Variants in TULP3 observed in about 807,000 individuals in gnomAD.
TULP3 encodes TUB like protein 3.
Under a neutral mutation model 50.7 loss-of-function variants are expected in TULP3, and 38 were observed. That is an observed-to-expected ratio of 0.75 (90% confidence interval 0.58 to 0.98). The LOEUF (loss-of-function observed/expected upper bound fraction) is 0.98. Among genes scored for constraint, TULP3 ranks in the 50% least tolerant of loss-of-function variants. The pLI is 0.00. For synonymous variants in TULP3, 183 were observed against 196.6 expected (o/e 0.93, Z 0.58); for missense variants, 550 against 568.0 (o/e 0.97, Z 0.32).
At chr12:2,907,875 T>C (rs1007725528) in intron 1 of TULP3, among the ~76,000 whole-genome samples, 2 of 152,150 alleles carry the variant, frequency 1.3e-5, no homozygotes, top group African/African-American at 4.8e-5. Context: ...CTGTTGTATC[T>C]GACATTTTTG....
intron 1 of TULP3, among the ~76,000 whole-genome samples, chr12:2,895,325 C>T (rs1309260033): frequency 6.6e-6 from 1 of 152,144 alleles, no homozygotes; most frequent in African/African-American, 2.4e-5. Context: ...ATGTTCATTC[C>T]CTGGCTTCAA....
intron 8 of TULP3, among the ~76,000 whole-genome samples, chr12:2,936,380 C>T (rs996347047): frequency 9.2e-5 from 14 of 152,084 alleles, no homozygotes; most frequent in Non-Finnish European, 1.8e-4. Flanking sequence ...GCTATGCCCT[C>T]ACTGGGAAAT....
intron 8 of TULP3, among the ~76,000 whole-genome samples, chr12:2,936,579 TAAA>T (rs55913637): frequency 4.5e-5 from 6 of 134,716 alleles, no homozygotes; most frequent in Admixed American, 7.6e-5. Flanking sequence ...CCGTCTCGAC[TAAA>T]AAAAAAAAAA....
At chr12:2,892,850 T>C (rs2098173004) in intron 1 of TULP3, among the ~76,000 whole-genome samples, 2 of 149,908 alleles carry the variant, frequency 1.3e-5, no homozygotes, top group Admixed American at 1.3e-4. Flanking sequence ...CTTTAAATTT[T>C]ATTTTCTTTT....
chr12:2,917,819 G>T (rs976576584), intron 2 of TULP3, among the ~76,000 whole-genome samples: 1 of 151,708 alleles, frequency 6.6e-6, no homozygotes, highest in Non-Finnish European at 1.5e-5. Flanking sequence ...GGAGCTTGCA[G>T]TGAGCCGAGA....
chr12:2,896,741 A>G (rs775076714), intron 1 of TULP3, among the ~76,000 whole-genome samples: 10 of 152,194 alleles, frequency 6.6e-5, no homozygotes, highest in Non-Finnish European at 1.5e-4. Context: ...ACAGAGAGAT[A>G]TGAAACTCAT....
At chr12:2,929,660 G>A (rs751248665) in intron 4 of TULP3, among the ~76,000 whole-genome samples, 25 of 151,602 alleles carry the variant, frequency 1.6e-4, no homozygotes, top group Admixed American at 4.0e-4. Flanking sequence ...GCACAGTCTC[G>A]GCTCGCTGCA....
At chr12:2,907,668 A>T (rs796535744) in intron 1 of TULP3, among the ~76,000 whole-genome samples, 55 of 134,776 alleles carry the variant, frequency 4.1e-4, no homozygotes, top group African/African-American at 1.4e-3. Context: ...AAAATTTTTT[A>T]TTCTTATACA....
intron 2 of TULP3, among the ~76,000 whole-genome samples, chr12:2,918,626 C>T (rs540669686): frequency 2.2e-4 from 33 of 151,378 alleles, no homozygotes; most frequent in Middle Eastern, 3.5e-3. Context: ...CCGCAACCTC[C>T]GCCTCCCAGG....
chr12:2,904,846 C>T (rs1279690262), intron 1 of TULP3, among the ~76,000 whole-genome samples: 1 of 152,052 alleles, frequency 6.6e-6, no homozygotes, highest in Non-Finnish European at 1.5e-5. Context: ...ATGCCTGTAT[C>T]CCAGCACTTT....
rs1439124405 is a variant in TULP3 at position 2,940,320 on chromosome 12, T to C, written c.*876T>C. The C allele has an allele frequency of 7.2e-7, 1 of 1,387,112 alleles. No individual in the cohort carries two copies. Among genetic ancestry groups the C allele is most frequent in the East Asian group, 2.8e-5 (1 of 35,098 alleles). 85.9% of individuals were successfully genotyped at this position (1,387,112 alleles called of 1,614,324 possible). A position where few individuals can be genotyped will look rare whatever the true frequency, so the allele number is the denominator to read the frequency against. On this transcript the variant is annotated 3_prime_UTR_variant, in exon 11 of 11. Coordinates refer to ENST00000448120, the MANE Select transcript of TULP3 (RefSeq NM_003324.5). ...TGGCAGTATTGACCATTTAGTTTAG[T>C]TAAAAAAAAAAAAAAAAAGGTGGCA...
chr12:2,930,639 G>T (rs922153066), intron 5 of TULP3, among the ~76,000 whole-genome samples: 8 of 152,016 alleles, frequency 5.3e-5, no homozygotes, highest in Non-Finnish European at 1.0e-4. Flanking sequence ...TTGCCAGGAT[G>T]GTCTCGATCT....
At chr12:2,919,093 T>C (rs780118267) in intron 2 of TULP3, among the ~76,000 whole-genome samples, 1 of 152,082 alleles carries the variant, frequency 6.6e-6, no homozygotes, top group Non-Finnish European at 1.5e-5. Context: ...GGTTTCACCA[T>C]GTTGGCCAGG....
At chr12:2,926,050 C>T (rs963624403) in intron 4 of TULP3, among the ~76,000 whole-genome samples, 1 of 152,180 alleles carries the variant, frequency 6.6e-6, no homozygotes, top group Non-Finnish European at 1.5e-5. Flanking sequence ...GTCCAATTTG[C>T]TTGTCTTAAA....
intron 1 of TULP3, among the ~76,000 whole-genome samples, chr12:2,891,585 A>G (rs2098172118): frequency 6.6e-6 from 1 of 152,118 alleles, no homozygotes; most frequent in Non-Finnish European, 1.5e-5. Flanking sequence ...TGCCAGAGGG[A>G]GAGCCTCGGA....
chr12:2,903,636 A>G (rs2098180511), intron 1 of TULP3, among the ~76,000 whole-genome samples: 1 of 152,162 alleles, frequency 6.6e-6, no homozygotes, highest in South Asian at 2.1e-4. Flanking sequence ...TGATAAACCT[A>G]TGCCCTTCAC....
intron 10 of TULP3, among the ~76,000 whole-genome samples, chr12:2,938,738 G>A (rs2098203012): frequency 6.6e-6 from 1 of 151,804 alleles, no homozygotes; most frequent in Non-Finnish European, 1.5e-5. Context: ...AGCTGAGATT[G>A]CATCACTGCT....
intron 4 of TULP3, 48 bp downstream of exon 4, chr12:2,922,450 G>A (rs183221083): frequency 3.2e-6 from 5 of 1,583,236 alleles, no homozygotes; most frequent in Admixed American, 1.9e-5. Flanking sequence ...TTACTCAATT[G>A]TAATCTTTTC....
intron 1 of TULP3, among the ~76,000 whole-genome samples, chr12:2,893,327 G>GTT (rs36190881): frequency 2.7e-4 from 34 of 128,166 alleles, no homozygotes; most frequent in African/African-American, 8.0e-4. Flanking sequence ...TGTTTAATGT[G>GTT]TTTTTTTTTT....
Sources: allele counts gnomAD v4.1 joint callset (sites outside exome capture counted in the v4.1 genomes callset), GRCh38; gene constraint gnomAD v4.1.1; transcripts MANE v1.5; gene names NCBI Gene and HGNC (gene_info 2026-07-23, HGNC 2026-07-21).